FREM1: variants seen among roughly 807,000 people sequenced by gnomAD.
FREM1 encodes the protein FRAS1-related extracellular matrix protein 1.
Under a neutral mutation model 210.1 loss-of-function variants are expected in FREM1, and 220 were observed. The observed-to-expected ratio is 1.05, with a 90% CI of 0.94 to 1.17. The LOEUF (loss-of-function observed/expected upper bound fraction) is 1.17. Ranked by LOEUF, FREM1 falls within the 50% of genes most tolerant of loss-of-function variation. FREM1 has a pLI of 0.00. For synonymous variants in FREM1, 1,189 were observed against 980.2 expected (o/e 1.21, Z -3.98); for missense variants, 3,454 against 2,675.5 (o/e 1.29, Z -6.42).
chr9:14,879,266 C>T (rs930441588), intron 1 of FREM1, among the ~76,000 whole-genome samples: 5 of 151,812 alleles, frequency 3.3e-5, no homozygotes, highest in African/African-American at 7.3e-5. Flanking sequence ...GCACATCATC[C>T]TGGGATATAT....
At chr9:14,892,642 T>C (rs992787124) in intron 1 of FREM1, among the ~76,000 whole-genome samples, 5 of 152,012 alleles carry the variant, frequency 3.3e-5, no homozygotes, top group African/African-American at 4.8e-5. Flanking sequence ...GAATTAGGCA[T>C]GTACAGGATC....
chr9:14,792,838 T>C lies in FREM1; in HGVS notation c.3886A>G (p.Ser1296Gly), dbSNP rs1487437423. 1.9e-6 allele frequency: 3 copies of C among 1,599,808 alleles called. No individual in the cohort carries two copies. The highest frequency in any genetic ancestry group is 1.3e-5 in the African/African-American group (1 of 74,730). ...TCATCTATGGCTGAAAGAATAGCACTGGAAATAATACGAGTTTCACCCATA... is the reference window on the plus strand; with the variant it reads ...TCATCTATGGCTGAAAGAATAGCACCGGAAATAATACGAGTTTCACCCATA... ...MNMGETRIIS[S>G]AILSAIDEDS... is the part of the protein sequence containing the mutation. The change falls in exon 22 of 37, where the codon AGT becomes GGT. Residue 1296 changes from serine (S) to glycine (G), a missense_variant. Physicochemically the swap from Ser to Gly is moderately conservative, Grantham distance 56 (BLOSUM62 0). Transcript: ENST00000380880.
At chr9:14,852,127 T>A (rs1230012344) in intron 5 of FREM1, among the ~76,000 whole-genome samples, 3 of 152,142 alleles carry the variant, frequency 2.0e-5, no homozygotes, top group Admixed American at 6.6e-5. Context: ...CCTCCTGTCA[T>A]GTAGTTTTAA....
intron 2 of FREM1, among the ~76,000 whole-genome samples, chr9:14,865,235 A>C (rs1006254905): frequency 6.6e-6 from 1 of 152,184 alleles, no homozygotes; most frequent in Non-Finnish European, 1.5e-5. Context: ...CTATTCAAAA[A>C]AGCAAGTTTA....
intron 2 of FREM1, among the ~76,000 whole-genome samples, chr9:14,864,763 G>T (rs112507877): frequency 1.3e-5 from 2 of 152,218 alleles, no homozygotes; most frequent in East Asian, 3.9e-4. Context: ...GTGGTGTTTC[G>T]TCTGTACCTT....
chr9:14,757,540 G>A (rs1461020448), intron 28 of FREM1, among the ~76,000 whole-genome samples: 4 of 152,176 alleles, frequency 2.6e-5, no homozygotes, highest in Non-Finnish European at 5.9e-5. Context: ...GGGTGATAGA[G>A]TGAGATTCCA....
chr9:14,805,047 T>A lies in FREM1; in HGVS notation c.3380A>T (p.Asp1127Val). 6.2e-7 allele frequency: 1 copy of A among 1,613,308 alleles called. No homozygotes were observed. Among genetic ancestry groups the A allele is most frequent in the Non-Finnish European group, 8.5e-7 (1 of 1,179,272 alleles). Residue 1127 changes from aspartate (D) to valine (V), a missense_variant, in exon 19 of 37, where the codon GAT becomes GTT. By Grantham distance (152) the Asp-to-Val change is radical. Coordinates refer to ENST00000380880, the MANE Select transcript of FREM1 (RefSeq NM_001379081.2). ...TATCTCCAAGGAGTGATGCTTCCCA[T>A]CTGTGACGTACACCGTGAACTGGTC... ...TADQFTVYVT[D>V]GKHHSLEIPF... is the part of the protein sequence containing the mutation.
At chr9:14,850,060 C>T (rs958715453) in intron 6 of FREM1, among the ~76,000 whole-genome samples, 20 of 152,288 alleles carry the variant, frequency 1.3e-4, no homozygotes, top group African/African-American at 4.3e-4. Flanking sequence ...ACCCCAGGGA[C>T]GATCATTTTC....
chr9:14,900,012 C>T (rs1838487780), intron 1 of FREM1, among the ~76,000 whole-genome samples: 1 of 152,178 alleles, frequency 6.6e-6, no homozygotes, highest in African/African-American at 2.4e-5. Flanking sequence ...AATGTGGGGG[C>T]TGAGTCCCAT....
rs963560424 is a variant in FREM1, at chr9:14,805,005, A to C, written c.3422T>G (p.Ile1141Ser). ...AGGAGCTTCATCATTTGTGGGGTTG[A>C]TTATAATAGAAAATGGTATCTCCAA... ...HSLEIPFSII[I>S]NPTNDEAPDF... Residue 1141 changes from isoleucine (I) to serine (S), a missense_variant, in exon 19 of 37, where the codon ATC (isoleucine) becomes AGC (serine). Ile to Ser is a moderately radical substitution (Grantham distance 142, BLOSUM62 -2). Coordinates refer to ENST00000380880, the MANE Select transcript of FREM1 (RefSeq NM_001379081.2). 1 of 1,613,688 alleles carries C rather than the reference A, an allele frequency of 6.2e-7. No homozygotes were observed. The highest frequency in any genetic ancestry group is 8.5e-7 in the Non-Finnish European group (1 of 1,179,724).
chr9:14,778,081 G>T (rs563129789), intron 24 of FREM1, among the ~76,000 whole-genome samples: 1 of 151,976 alleles, frequency 6.6e-6, no homozygotes, highest in Admixed American at 6.6e-5. Context: ...CACACACCTC[G>T]ACTTGTAAAG....
intron 19 of FREM1, among the ~76,000 whole-genome samples, chr9:14,803,661 G>A (rs1434141583): frequency 6.6e-6 from 1 of 152,098 alleles, no homozygotes; most frequent in Non-Finnish European, 1.5e-5. Context: ...GAGCCACCAT[G>A]CCTGGCCTAA....
At chr9:14,839,645 T>C (rs888052482) in intron 10 of FREM1, among the ~76,000 whole-genome samples, 6 of 152,248 alleles carry the variant, frequency 3.9e-5, no homozygotes, top group African/African-American at 9.6e-5. Flanking sequence ...GAAATAATTA[T>C]GCTGCACTAA....
chr9:14,868,695 A>G (rs745594420), intron 2 of FREM1, 49 bp downstream of exon 2: 1 of 1,166,618 alleles, frequency 8.6e-7, no homozygotes, highest in Non-Finnish European at 1.3e-6. Flanking sequence ...ATTTTCATAC[A>G]CTTGCATTCA....
intron 10 of FREM1, among the ~76,000 whole-genome samples, chr9:14,828,171 A>G (rs1486183690): frequency 6.6e-6 from 1 of 152,156 alleles, no homozygotes; most frequent in Non-Finnish European, 1.5e-5. Context: ...CCAACCTCTG[A>G]CAGCTGTTGC....
At chr9:14,746,022 C>T (rs1842361294) in intron 35 of FREM1, among the ~76,000 whole-genome samples, 1 of 151,984 alleles carries the variant, frequency 6.6e-6, no homozygotes, top group Admixed American at 6.6e-5. Flanking sequence ...TTCTGATTTC[C>T]TCACAAAGAC....
At chr9:14,853,170 T>C (rs10961756) in intron 5 of FREM1, among the ~76,000 whole-genome samples, 96 of 152,264 alleles carry the variant, frequency 6.3e-4, no homozygotes, top group Admixed American at 1.4e-3. Context: ...AGAGAGCTGA[T>C]GCAGGGCTCA....
intron 10 of FREM1, among the ~76,000 whole-genome samples, chr9:14,827,212 G>C (rs1186561864): frequency 6.6e-6 from 1 of 152,164 alleles, no homozygotes; most frequent in Admixed American, 6.6e-5. Flanking sequence ...TACCTAAGTG[G>C]TCATAATCAG....
At chr9:14,818,173 T>G (rs185214433) in intron 14 of FREM1, among the ~76,000 whole-genome samples, 1 of 152,272 alleles carries the variant, frequency 6.6e-6, no homozygotes, top group Non-Finnish European at 1.5e-5. Flanking sequence ...TCTGACAGTA[T>G]GCTTGAACAG....
Sources: gnomAD v4.1 joint callset for allele counts (sites outside exome capture counted in the v4.1 genomes callset) on GRCh38, gnomAD v4.1.1 for gene constraint, MANE v1.5 for transcripts, NCBI Gene and HGNC (gene_info 2026-07-23, HGNC 2026-07-21) for gene names.